The following KIF14 variants were observed in gnomAD, a reference collection of about 807,000 sequenced individuals.
KIF14 encodes the protein kinesin-like protein KIF14.
A neutral mutation model predicts 176.2 loss-of-function variants in KIF14; 98 were observed. That is an observed-to-expected ratio of 0.56 (90% CI 0.47 to 0.66). The LOEUF is 0.66. Ranked by LOEUF, KIF14 falls within the 30% of genes least tolerant of loss-of-function variation. The pLI is 0.00. For missense variants in KIF14, 1,751 were observed against 1,920.4 expected, an observed-to-expected ratio of 0.91 and a Z score of 1.65; for synonymous variants, 566 against 632.2, an observed-to-expected ratio of 0.90 and a Z score of 1.57.
At chr1:200,588,095 T>G (rs1398730904) in intron 18 of KIF14, among the ~76,000 whole-genome samples, 4 of 152,076 alleles carry the variant, frequency 2.6e-5, no homozygotes, top group Non-Finnish European at 5.9e-5. Context: ...GATTAAGATA[T>G]AAGGAATCAA....
chr1:200,561,238 A>AAG (rs1657133146), intron 25 of KIF14, among the ~76,000 whole-genome samples: 1 of 146,842 alleles, frequency 6.8e-6, no homozygotes, highest in African/African-American at 2.5e-5. Flanking sequence ...TTAAAAAAAA[A>AAG]AAAAAAGAAA....
At chr1:200,581,590 TTTTC>T (rs1475533435) in intron 19 of KIF14, among the ~76,000 whole-genome samples, 1 of 152,042 alleles carries the variant, frequency 6.6e-6, no homozygotes, top group African/African-American at 2.4e-5. Flanking sequence ...CTAATGTCTT[TTTTC>T]TTTCTTCCTC....
chr1:200,570,901 C>G (rs539751424), intron 22 of KIF14, among the ~76,000 whole-genome samples: 2 of 152,174 alleles, frequency 1.3e-5, no homozygotes, highest in South Asian at 4.2e-4. Flanking sequence ...TCAATCCTCA[C>G]CTTCCTCCCA....
At position 200,592,077 on chromosome 1, in the gene KIF14, T is replaced by G; in HGVS notation, c.2813+3A>C. 1.2e-6 allele frequency: 2 copies of G among 1,610,574 alleles called. No individual in the cohort carries two copies. The highest frequency in any genetic ancestry group is 1.7e-6 in the Non-Finnish European group (2 of 1,178,420). On this transcript the variant is annotated splice_donor_region_variant and intron_variant, in intron 16 of 29. Coordinates refer to ENST00000367350, the MANE Select transcript of KIF14 (RefSeq NM_014875.3). ...TACTATTTCATATCAACAGCATACT[T>G]ACTGTGATCTCTGTGCCATGAGCAA...
rs544417497 is a variant in KIF14, at chr1:200,566,444, T to A, written c.3662-775A>T. Among the ~76,000 whole-genome samples, 15 of 151,786 alleles carry A rather than the reference T, an allele frequency of 9.9e-5. No homozygotes were observed. The East Asian group carries it at 2.2e-3, about 22-fold the overall frequency. On this transcript the variant is annotated intron_variant, in intron 23 of 29. Coordinates refer to ENST00000367350, the MANE Select transcript of KIF14 (RefSeq NM_014875.3). ...CATCTCTATTAAAAATACAAAAAAA[T>A]TAGCTGGGCGTGGTGGCACACGCCT... is the stretch of plus-strand genomic sequence containing the variant.
At chr1:200,603,718 A>G in intron 9 of KIF14, 121 bp downstream of exon 9, 2 of 633,528 alleles carry the variant, frequency 3.2e-6, no homozygotes, top group Non-Finnish European at 5.7e-6. Flanking sequence ...ACAGCAATGC[A>G]GTCTATAAAC....
At position 200,575,604 on chromosome 1, in the gene KIF14, G is replaced by C. The variant is rs148216949; in HGVS notation, c.3553C>G (p.Leu1185Val). ...PDITDAPVSS[L>V]SRRRSRSLMK... ...AATTGTCTTTACCTCCTTCTAGAAAGTGAAGAAACTGGTGCATCTGTAATG... is the reference window on the plus strand; with the variant it reads ...AATTGTCTTTACCTCCTTCTAGAAACTGAAGAAACTGGTGCATCTGTAATG... Residue 1185 changes from leucine (L) to valine (V), a missense_variant, in exon 22 of 30, where the codon CTT (leucine) becomes GTT (valine). Physicochemically the swap from Leu to Val is conservative, Grantham distance 32. Transcript: ENST00000367350. The C allele has an allele frequency of 8.9e-6, 14 of 1,578,790 alleles. No homozygotes were observed. The highest frequency in any genetic ancestry group is 1.7e-4 in the Middle Eastern group (1 of 5,920).
At chr1:200,558,266 T>C (rs1247306840) in intron 27 of KIF14, among the ~76,000 whole-genome samples, 1 of 152,210 alleles carries the variant, frequency 6.6e-6, no homozygotes, top group Non-Finnish European at 1.5e-5. Context: ...AGGATGGTTT[T>C]AATATGTTGT....
At chr1:200,570,693 T>C (rs1657735171) in intron 22 of KIF14, among the ~76,000 whole-genome samples, 1 of 152,320 alleles carries the variant, frequency 6.6e-6, no homozygotes, top group African/African-American at 2.4e-5. Flanking sequence ...GAGCAAATTA[T>C]CCAGGGAAGG....
intron 27 of KIF14, among the ~76,000 whole-genome samples, chr1:200,557,435 G>A (rs899968056): frequency 6.6e-5 from 10 of 152,192 alleles, no homozygotes; most frequent in South Asian, 4.1e-4. Context: ...TTTCGTATAC[G>A]TTGTTTCTTC....
At chr1:200,573,972 A>C (rs1657964548) in intron 22 of KIF14, among the ~76,000 whole-genome samples, 1 of 152,170 alleles carries the variant, frequency 6.6e-6, no homozygotes, top group African/African-American at 2.4e-5. Flanking sequence ...GGAGCTTTGG[A>C]GTCACCCAAA....
chr1:200,553,471 G>A lies in KIF14; in HGVS notation c.4864C>T (p.Pro1622Ser), dbSNP rs760121429. The A allele has an allele frequency of 6.2e-7, 1 of 1,613,964 alleles. No individual in the cohort carries two copies. The highest frequency in any genetic ancestry group is 1.3e-5 in the African/African-American group (1 of 74,984). The part of the protein sequence containing the change: ...GIDGSKNKGV[P>S]KRVYELHGSS... Reference sequence around the variant, plus strand: ...CCATGGAGCTCATAGACACGCTTTGGTACACCTTTATTCTTACTGCCGTCA... The same window carrying A: ...CCATGGAGCTCATAGACACGCTTTGATACACCTTTATTCTTACTGCCGTCA... Residue 1622 changes from proline to serine, a missense_variant, in exon 30 of 30, where the codon CCA (proline) becomes TCA (serine). Pro to Ser is a moderately conservative substitution (Grantham distance 74). Transcript: ENST00000367350.
intron 18 of KIF14, among the ~76,000 whole-genome samples, chr1:200,588,659 G>A (rs912035555): frequency 6.6e-6 from 1 of 152,208 alleles, no homozygotes; most frequent in Non-Finnish European, 1.5e-5. Context: ...GGTGCTTGAA[G>A]GTATTAACAT....
chr1:200,559,689 T>A (rs905093682), intron 26 of KIF14, among the ~76,000 whole-genome samples: 1 of 151,888 alleles, frequency 6.6e-6, no homozygotes, highest in African/African-American at 2.4e-5. Flanking sequence ...ATCCCATATA[T>A]AACATATTGC....
chr1:200,610,836 G>A (rs753075111), intron 4 of KIF14, among the ~76,000 whole-genome samples: 1 of 152,156 alleles, frequency 6.6e-6, no homozygotes, highest in African/African-American at 2.4e-5. Context: ...AAGGGAAGGA[G>A]TAAATAGAAT....
rs775496500 is a variant in KIF14, at chr1:200,565,574, A to G, written c.3757T>C (p.Phe1253Leu). The G allele has an allele frequency of 2.1e-5, 34 of 1,612,046 alleles. No individual in the cohort carries two copies. Among genetic ancestry groups the G allele is most frequent in the Non-Finnish European group, 2.9e-5 (34 of 1,179,686 alleles). Residue 1253 changes from phenylalanine to leucine, a missense_variant, in exon 24 of 30, where the codon TTT (phenylalanine) becomes CTT (leucine). Coordinates refer to ENST00000367350, the MANE Select transcript of KIF14 (RefSeq NM_014875.3). ...CTTTCTTCATCATAACTCTGTCCAA[A>G]AAAATCTAACGAAGAACCAATCAAT... is the stretch of plus-strand genomic sequence containing the variant. Reference protein sequence around the residue: ...KELIGSSLDFFGQSYDEERTI... With the variant: ...KELIGSSLDFLGQSYDEERTI...
chr1:200,607,526 A>G (rs546835430), intron 5 of KIF14, among the ~76,000 whole-genome samples: 1 of 152,308 alleles, frequency 6.6e-6, no homozygotes, highest in East Asian at 1.9e-4. Flanking sequence ...TCTAAAACAT[A>G]TTCGTTAAAT....
At position 200,586,790 on chromosome 1, in the gene KIF14, CAT is replaced by C. The variant is rs10610890; in HGVS notation, c.3115-565_3115-564del. On this transcript the variant is annotated intron_variant, in intron 18 of 29. Coordinates refer to ENST00000367350, the MANE Select transcript of KIF14 (RefSeq NM_014875.3). ...AATATGGTGTATATATATATACATACATATATATATATATATATATATATATA... is the reference window on the plus strand; with the variant it reads ...AATATGGTGTATATATATATACATACATATATATATATATATATATATATA... Among the ~76,000 whole-genome samples the C allele has an allele frequency of 8.6e-3, 1,098 of 128,286 alleles. 9 individuals carry two copies. Among genetic ancestry groups the C allele is most frequent in the African/African-American group, 0.029 (937 of 32,516 alleles). The allele number at this position is 128,286 out of a possible 152,430, so 84.2% of individuals were successfully genotyped here.
chr1:200,573,538 G>T (rs1333803204), intron 22 of KIF14, among the ~76,000 whole-genome samples: 1 of 146,102 alleles, frequency 6.8e-6, no homozygotes, highest in Non-Finnish European at 1.5e-5. Context: ...CCGGGTTCAC[G>T]CCATTCTCCT....
Sources: gnomAD v4.1 joint callset for allele counts (sites outside exome capture counted in the v4.1 genomes callset) on GRCh38, gnomAD v4.1.1 for gene constraint, MANE v1.5 for transcripts, NCBI Gene and HGNC (gene_info 2026-07-23, HGNC 2026-07-21) for gene names.